The following TEAD1 variants were observed in gnomAD, a reference collection of about 807,000 sequenced individuals.
TEAD1 encodes TEA domain transcription factor 1, also known as transcriptional enhancer factor TEF-1.
In TEAD1, 9 loss-of-function variants were observed where a neutral mutation model predicts 54.9. The ratio of observed to expected loss-of-function variants is 0.16; its 90% CI spans 0.10 to 0.29. TEAD1 has a LOEUF of 0.29. TEAD1 is among the 10% of genes least tolerant of loss of function. The pLI is 1.00. For synonymous variants in TEAD1, 200 were observed against 187.8 expected (o/e 1.07, Z -0.53); for missense variants, 387 against 535.9 (o/e 0.72, Z 2.74).
At chr11:12,813,082 A>G (rs1461102009) in intron 3 of TEAD1, among the ~76,000 whole-genome samples, 1 of 152,148 alleles carries the variant, frequency 6.6e-6, no homozygotes, top group Admixed American at 6.5e-5. Flanking sequence ...CTGGGAGGGC[A>G]AGCCAGACAG....
intron 9 of TEAD1, among the ~76,000 whole-genome samples, chr11:12,888,590 G>T (rs1348202610): frequency 6.6e-6 from 1 of 152,124 alleles, no homozygotes; most frequent in African/African-American, 2.4e-5. Context: ...AGTCTGAAGT[G>T]GCCTTAGAAC....
intron 12 of TEAD1, 25 bp downstream of exon 12, chr11:12,930,351 G>T: frequency 6.2e-7 from 1 of 1,613,732 alleles, no homozygotes; most frequent in East Asian, 2.2e-5. Context: ...TCTTTCCTCT[G>T]TGGGCAGATG....
chr11:12,891,968 C>G (rs1032336363), intron 9 of TEAD1, among the ~76,000 whole-genome samples: 3 of 152,168 alleles, frequency 2.0e-5, no homozygotes, highest in African/African-American at 7.2e-5. Flanking sequence ...GGCTGGACCT[C>G]CTGGACGTGG....
intron 10 of TEAD1, among the ~76,000 whole-genome samples, chr11:12,907,258 G>T (rs986282880): frequency 1.3e-5 from 2 of 152,208 alleles, no homozygotes; most frequent in African/African-American, 4.8e-5. Context: ...CAGGTGCATT[G>T]AGGTGTGTTG....
At chr11:12,863,536 CA>C (rs1416616131) in intron 4 of TEAD1, among the ~76,000 whole-genome samples, 1 of 152,112 alleles carries the variant, frequency 6.6e-6, no homozygotes, top group Admixed American at 6.6e-5. Context: ...AGCTCAAAGA[CA>C]AAGTTAAAGA....
chr11:12,688,987 T>TAA (rs1943396243), intron 2 of TEAD1, among the ~76,000 whole-genome samples: 2 of 151,958 alleles, frequency 1.3e-5, no homozygotes, highest in Admixed American at 1.3e-4. Context: ...CCCCTCTTGC[T>TAA]GGATTTCCTG....
chr11:12,766,966 C>G (rs1026378071), intron 3 of TEAD1, among the ~76,000 whole-genome samples: 1 of 152,128 alleles, frequency 6.6e-6, no homozygotes, highest in Non-Finnish European at 1.5e-5. Context: ...GAGGAAACAT[C>G]CCCCCTGAAC....
At chr11:12,759,542 T>C (rs1255322320) in intron 2 of TEAD1, among the ~76,000 whole-genome samples, 1 of 152,146 alleles carries the variant, frequency 6.6e-6, no homozygotes, top group East Asian at 1.9e-4. Context: ...CTGAGGCACA[T>C]GGGGGCTACA....
At chr11:12,845,236 A>T (rs1947121297) in intron 3 of TEAD1, among the ~76,000 whole-genome samples, 1 of 152,128 alleles carries the variant, frequency 6.6e-6, no homozygotes, top group African/African-American at 2.4e-5. Flanking sequence ...TGCTGGGATT[A>T]CAGGCATGAG....
intron 3 of TEAD1, among the ~76,000 whole-genome samples, chr11:12,809,930 TGAGGAGGTGTG>T (rs764343224): frequency 1.0e-4 from 15 of 149,556 alleles, no homozygotes; most frequent in African/African-American, 1.7e-4. Flanking sequence ...GGGGAGTGGG[TGAGGAGGTGTG>T]GAGGAGGAAA....
intron 10 of TEAD1, among the ~76,000 whole-genome samples, chr11:12,913,782 C>T (rs1391694036): frequency 1.3e-5 from 2 of 152,188 alleles, no homozygotes; most frequent in Admixed American, 6.5e-5. Flanking sequence ...CTGGGTTCCC[C>T]GTTTTATCTG....
chr11:12,703,448 C>T (rs1229663228), intron 2 of TEAD1, among the ~76,000 whole-genome samples: 1 of 152,142 alleles, frequency 6.6e-6, no homozygotes, highest in South Asian at 2.1e-4. Context: ...ATGACCTTTT[C>T]CATTTGTTTT....
At chr11:12,925,461 T>C (rs1948887971) in intron 11 of TEAD1, among the ~76,000 whole-genome samples, 1 of 152,174 alleles carries the variant, frequency 6.6e-6, no homozygotes. Context: ...AGGCCCCTCC[T>C]CTGACATGTG....
chr11:12,702,650 C>G (rs780386049), intron 2 of TEAD1, among the ~76,000 whole-genome samples: 3 of 152,152 alleles, frequency 2.0e-5, no homozygotes, highest in Non-Finnish European at 2.9e-5. Flanking sequence ...AAACATTTCC[C>G]TTTCCCTTCC....
At position 12,775,966 on chromosome 11, in the gene TEAD1, TG is replaced by T. The variant is rs199806549; in HGVS notation, c.202+11534del. On this transcript the variant is annotated intron_variant, in intron 3 of 12. Coordinates refer to ENST00000527636, the MANE Select transcript of TEAD1 (RefSeq NM_021961.6). The stretch of plus-strand genomic sequence containing the variant: ...GGGTCCACTGTGGTGTGGTGTTTAC[TG>T]GCGGCGGGGGGTTCACCCGGGGAAG... Among the ~76,000 whole-genome samples, 1,072 of 146,518 alleles carry T rather than the reference TG, an allele frequency of 7.3e-3. 18 individuals carry two copies. The highest frequency in any genetic ancestry group is 0.029 in the African/African-American group (1,033 of 35,988).
intron 10 of TEAD1, among the ~76,000 whole-genome samples, chr11:12,908,881 C>CTTTTTTTTT (rs1564986691): frequency 2.7e-5 from 2 of 74,318 alleles, no homozygotes; most frequent in Non-Finnish European, 2.7e-5. Context: ...TTCAAATTAT[C>CTTTTTTTTT]TGTTTTTTTT....
intron 3 of TEAD1, 33 bp from the exon 4 acceptor site, chr11:12,862,217 A>G (rs547577179): frequency 1.3e-5 from 21 of 1,590,620 alleles, no homozygotes; most frequent in Non-Finnish European, 1.8e-5. Context: ...TGTTTTGGTA[A>G]CCCACCTCAT....
intron 3 of TEAD1, among the ~76,000 whole-genome samples, chr11:12,781,060 A>G (rs1404130565): frequency 1.3e-5 from 2 of 152,228 alleles, no homozygotes; most frequent in African/African-American, 4.8e-5. Context: ...ATTTATTGTC[A>G]ATTGATTTTC....
At chr11:12,679,581 T>A (rs776789571) in intron 2 of TEAD1, among the ~76,000 whole-genome samples, 1 of 152,200 alleles carries the variant, frequency 6.6e-6, no homozygotes, top group Non-Finnish European at 1.5e-5. Flanking sequence ...ATGTTAATTA[T>A]GTGAGAACAT....
Sources: gnomAD v4.1 joint callset for allele counts (sites outside exome capture counted in the v4.1 genomes callset) on GRCh38, gnomAD v4.1.1 for gene constraint, MANE v1.5 for transcripts, NCBI Gene and HGNC (gene_info 2026-07-23, HGNC 2026-07-21) for gene names.